The following PPP3CB variants were observed in gnomAD, a reference collection of about 807,000 sequenced individuals.
PPP3CB encodes serine/threonine-protein phosphatase 2B catalytic subunit beta isoform.
Under a neutral mutation model 66.4 loss-of-function variants are expected in PPP3CB, and 8 were observed. The observed-to-expected ratio is 0.12, with a 90% CI of 0.07 to 0.22. PPP3CB has a LOEUF of 0.22. PPP3CB is among the 10% of genes least tolerant of loss of function. PPP3CB has a pLI of 1.00. For missense variants in PPP3CB, 319 were observed against 642.5 expected (o/e 0.50, Z 5.44); for synonymous variants, 208 against 221.2 (o/e 0.94, Z 0.53).
chr10:73,457,260 G>GAAAAAAAAAAAAAAAAAAAAAAA (rs35129439), intron 9 of PPP3CB, among the ~76,000 whole-genome samples: 2 of 69,030 alleles, frequency 2.9e-5, no homozygotes, highest in Non-Finnish European at 5.8e-5. Flanking sequence ...CTCTAAAAAA[G>GAAAAAAAAAAAAAAAAAAAAAAA]AAAAAAAAAA....
intron 10 of PPP3CB, among the ~76,000 whole-genome samples, chr10:73,453,716 C>T (rs1223413403): frequency 6.6e-6 from 1 of 151,952 alleles, no homozygotes; most frequent in African/African-American, 2.4e-5. Context: ...GGAAGGGAAT[C>T]GTTTTCAGTT....
Position 73,475,021 on chromosome 10 carries a change from A to G in PPP3CB, c.421T>C (p.Tyr141His), listed in dbSNP as rs1342340591. The change falls in exon 4 of 14, where the codon TAT becomes CAT. Residue 141 changes from tyrosine (Y) to histidine (H), a missense_variant. By Grantham distance (83) the Tyr-to-His change is moderately conservative. Around this residue, in one of 5 missense-constraint regions of PPP3CB, gnomAD observed 51 missense variants for 139.6 expected, o/e 0.37. Coordinates refer to ENST00000360663, the MANE Select transcript of PPP3CB (RefSeq NM_021132.4). ...TATAGAATCTTCAGAACCCATAAAT[A>G]TAAGACACACTGCAAAAGAAAATTT... ...RGYFSIECVL[Y>H]LWVLKILYPS... 1 of 1,610,608 alleles carries G rather than the reference A, an allele frequency of 6.2e-7. No individual in the cohort carries two copies. The highest frequency in any genetic ancestry group is 8.5e-7 in the Non-Finnish European group (1 of 1,179,062).
Position 73,438,149 on chromosome 10 carries a change from G to T in PPP3CB, c.*93C>A. On this transcript the variant is annotated 3_prime_UTR_variant, in exon 14 of 14. Coordinates refer to ENST00000360663, the MANE Select transcript of PPP3CB (RefSeq NM_021132.4). ...ACAATGGTTTCTTCAGAGAGACTGT[G>T]AAATTTACAGTCAGCTTGGCCGACC... 1 of 1,258,532 alleles carries T rather than the reference G, an allele frequency of 7.9e-7. No homozygotes were observed. The highest frequency in any genetic ancestry group is 1.1e-6 in the Non-Finnish European group (1 of 905,378). 78.0% of individuals were successfully genotyped at this position (1,258,532 alleles called of 1,614,324 possible).
At chr10:73,490,909 T>C (rs911830351) in intron 1 of PPP3CB, among the ~76,000 whole-genome samples, 1 of 151,982 alleles carries the variant, frequency 6.6e-6, no homozygotes, top group Admixed American at 6.6e-5. Context: ...CTCGGCTCAC[T>C]GCAGCCTCCA....
chr10:73,485,081 A>C (rs1289568009), intron 1 of PPP3CB, among the ~76,000 whole-genome samples: 1 of 152,158 alleles, frequency 6.6e-6, no homozygotes, highest in African/African-American at 2.4e-5. Flanking sequence ...CAAAAAAGAG[A>C]GCTACAAAAT....
chr10:73,495,919 GC>G lies in PPP3CB; in HGVS notation c.-31del. ...GGCCCGGGGCTCGGCTAGGCTCTGGGCCGGGCGGGGTTGGGGGCGGGGGCGG... is the reference window on the plus strand; with the variant it reads ...GGCCCGGGGCTCGGCTAGGCTCTGGGCGGGCGGGGTTGGGGGCGGGGGCGG... On this transcript the variant is annotated 5_prime_UTR_variant, in exon 1 of 14. Coordinates refer to ENST00000360663, the MANE Select transcript of PPP3CB (RefSeq NM_021132.4). 9.1e-7 allele frequency: 1 copy of G among 1,095,618 alleles called. No individual in the cohort carries two copies. Among genetic ancestry groups the G allele is most frequent in the Non-Finnish European group, 1.2e-6 (1 of 868,412 alleles). 67.9% of individuals were successfully genotyped at this position (1,095,618 alleles called of 1,614,324 possible). A position where few individuals can be genotyped will look rare whatever the true frequency, so the allele number is the denominator to read the frequency against.
intron 2 of PPP3CB, 116 bp from the exon 3 acceptor site, chr10:73,478,739 G>A (rs2056829178): frequency 1.2e-6 from 1 of 845,554 alleles, no homozygotes; most frequent in Non-Finnish European, 1.8e-6. Flanking sequence ...AAATGTCTGA[G>A]AAGGAAGTAG....
intron 1 of PPP3CB, among the ~76,000 whole-genome samples, chr10:73,489,789 C>G (rs1016549977): frequency 3.9e-5 from 6 of 152,170 alleles, no homozygotes; most frequent in African/African-American, 1.4e-4. Context: ...TTGCCAAGCA[C>G]TTCACATACT....
At position 73,495,879 on chromosome 10, in the gene PPP3CB, G is replaced by C; in HGVS notation, c.11C>G (p.Pro4Arg). 3 of 1,351,880 alleles carry C rather than the reference G, an allele frequency of 2.2e-6. No homozygotes were observed. The highest frequency in any genetic ancestry group is 2.8e-6 in the Non-Finnish European group (3 of 1,055,720). 83.7% of individuals were successfully genotyped at this position (1,351,880 alleles called of 1,614,324 possible). Reference sequence around the variant, plus strand: ...GGGCGGTGCAGCCCGGGCCGGCTCCGGGGCGGCCATGCTGGGCCCGGGGCT... The same window carrying C: ...GGGCGGTGCAGCCCGGGCCGGCTCCCGGGCGGCCATGCTGGGCCCGGGGCT... MAA[P>R]EPARAAPPPP... is the part of the protein sequence containing the mutation. The change falls in exon 1 of 14, where the codon CCG (proline) becomes CGG (arginine). Residue 4 changes from proline to arginine, a missense_variant. Pro to Arg is a moderately radical substitution (Grantham distance 103). Around this residue, in one of 5 missense-constraint regions of PPP3CB, gnomAD observed 104 missense variants for 128.4 expected, o/e 0.81. Transcript: ENST00000360663.
In PPP3CB at chr10:73,484,135, T is replaced by C. The variant is rs184406503; in HGVS notation, c.86-4618A>G. 4.7e-5 allele frequency among the ~76,000 whole-genome samples: 7 copies of C among 149,802 alleles called. No individual in the cohort carries two copies. In the East Asian group the frequency reaches 8.7e-4, roughly 19 times the overall value. ...TCTAGCCTGGGCAATAGAGACTCTATCTCAAAAAAAAAAATTAATTCTCAA... is the reference window on the plus strand; with the variant it reads ...TCTAGCCTGGGCAATAGAGACTCTACCTCAAAAAAAAAAATTAATTCTCAA... On this transcript the variant is annotated intron_variant, in intron 1 of 13. Transcript: ENST00000360663.
chr10:73,459,905 G>A (rs896904465), intron 9 of PPP3CB, among the ~76,000 whole-genome samples: 1 of 152,096 alleles, frequency 6.6e-6, no homozygotes, highest in Non-Finnish European at 1.5e-5. Flanking sequence ...CAACTCTGTA[G>A]TATATAAAAA....
intron 9 of PPP3CB, among the ~76,000 whole-genome samples, chr10:73,463,044 G>A (rs1342801375): frequency 2.0e-5 from 3 of 150,352 alleles, no homozygotes; most frequent in Non-Finnish European, 4.4e-5. Context: ...AGTAACCTGA[G>A]TAAAGGGTTG....
chr10:73,485,000 C>T (rs1382776583), intron 1 of PPP3CB, among the ~76,000 whole-genome samples: 1 of 151,932 alleles, frequency 6.6e-6, no homozygotes, highest in Non-Finnish European at 1.5e-5. Context: ...TTGCAGTGAG[C>T]CGAGATCACA....
intron 12 of PPP3CB, among the ~76,000 whole-genome samples, chr10:73,442,833 T>C (rs2056170711): frequency 2.6e-5 from 4 of 151,766 alleles, no homozygotes; most frequent in Admixed American, 2.6e-4. Context: ...TACAATGACA[T>C]TTAAAATAGA....
At chr10:73,494,899 A>G (rs1484509293) in intron 1 of PPP3CB, among the ~76,000 whole-genome samples, 1 of 152,186 alleles carries the variant, frequency 6.6e-6, no homozygotes, top group Non-Finnish European at 1.5e-5. Context: ...TTTCACCTCC[A>G]CAGCAGTGTT....
In PPP3CB at chr10:73,479,388, C is replaced by T; in HGVS notation, c.215G>A (p.Arg72Lys). The stretch of plus-strand genomic sequence containing the variant: ...GATGGCAGCACCCTCATTGATAATT[C>T]TAAGCGCAATTTCTTCATCTACTCG... ...EGRVDEEIAL[R>K]IINEGAAILR... is the part of the protein sequence containing the mutation. Residue 72 changes from arginine to lysine, a missense_variant, in exon 2 of 14, where the codon AGA becomes AAA. Around this residue, in one of 5 missense-constraint regions of PPP3CB, gnomAD observed 104 missense variants for 128.4 expected, o/e 0.81. Transcript: ENST00000360663. 6.2e-7 allele frequency: 1 copy of T among 1,614,114 alleles called. No homozygotes were observed. Among genetic ancestry groups the T allele is most frequent in the South Asian group, 1.1e-5 (1 of 91,084 alleles).
At chr10:73,488,471 A>G (rs143812635) in intron 1 of PPP3CB, among the ~76,000 whole-genome samples, 1 of 151,542 alleles carries the variant, frequency 6.6e-6, no homozygotes, top group Non-Finnish European at 1.5e-5. Context: ...GCTTGAGCCC[A>G]GAAGTTTGAA....
chr10:73,443,208 T>C (rs558237491), intron 12 of PPP3CB, among the ~76,000 whole-genome samples: 4 of 137,374 alleles, frequency 2.9e-5, no homozygotes, highest in African/African-American at 5.5e-5. Flanking sequence ...CACACACATG[T>C]ACACATGCAC....
chr10:73,471,036 T>C (rs764894943), intron 6 of PPP3CB, 34 bp downstream of exon 6: 13 of 1,598,222 alleles, frequency 8.1e-6, no homozygotes, highest in Middle Eastern at 3.3e-4. Context: ...TGTTAACAAC[T>C]AAAATGTGAT....
Sources: allele counts gnomAD v4.1 joint callset (sites outside exome capture counted in the v4.1 genomes callset), GRCh38; gene constraint gnomAD v4.1.1; regional missense constraint gnomAD v4.1.1; transcripts MANE v1.5; gene names NCBI Gene and HGNC (gene_info 2026-07-23, HGNC 2026-07-21).